The following GPC6 variants were observed in gnomAD, a reference collection of about 807,000 sequenced individuals.
GPC6 encodes the protein glypican-6.
A neutral mutation model predicts 55.2 loss-of-function variants in GPC6; 14 were observed. That is an observed-to-expected ratio of 0.25 (90% CI 0.17 to 0.40). The LOEUF is 0.40. Ranked by LOEUF, GPC6 falls within the 10% of genes least tolerant of loss-of-function variation. GPC6 has a pLI of 1.00. For synonymous variants in GPC6, 278 were observed against 259.6 expected, an observed-to-expected ratio of 1.07 and a Z score of -0.68; for missense variants, 641 against 708.5, an observed-to-expected ratio of 0.90 and a Z score of 1.08.
intron 4 of GPC6, among the ~76,000 whole-genome samples, chr13:94,229,187 T>C (rs1451633421): frequency 6.6e-6 from 1 of 152,212 alleles, no homozygotes; most frequent in Non-Finnish European, 1.5e-5. Flanking sequence ...TTATTTAACA[T>C]ACATTTAATT....
intron 6 of GPC6, among the ~76,000 whole-genome samples, chr13:94,335,388 G>C (rs1341200314): frequency 6.6e-6 from 1 of 152,098 alleles, no homozygotes; most frequent in Non-Finnish European, 1.5e-5. Context: ...CACACTGGGT[G>C]GTACACCTTG....
At chr13:93,722,126 GC>G (rs949503470) in intron 2 of GPC6, among the ~76,000 whole-genome samples, 14 of 151,476 alleles carry the variant, frequency 9.2e-5, no homozygotes, top group Admixed American at 7.9e-4. Context: ...TAGTAAATAT[GC>G]AAAAAAGGAA....
At chr13:94,238,527 A>T (rs1053095381) in intron 4 of GPC6, among the ~76,000 whole-genome samples, 1 of 152,178 alleles carries the variant, frequency 6.6e-6, no homozygotes, top group Admixed American at 6.6e-5. Flanking sequence ...GAGTTACTCC[A>T]TTGGAGGGCA....
chr13:93,330,126 C>T (rs914270541), intron 1 of GPC6, among the ~76,000 whole-genome samples: 1 of 152,122 alleles, frequency 6.6e-6, no homozygotes, highest in Non-Finnish European at 1.5e-5. Context: ...TGAAGTAAGT[C>T]TTCATTGTGC....
intron 2 of GPC6, among the ~76,000 whole-genome samples, chr13:93,642,669 G>A (rs1440877365): frequency 6.6e-6 from 1 of 151,988 alleles, no homozygotes; most frequent in Middle Eastern, 3.4e-3. Context: ...TTATATTTTT[G>A]TGTGCTCCAA....
chr13:93,814,826 C>T (rs543533630), intron 2 of GPC6, among the ~76,000 whole-genome samples: 31 of 152,302 alleles, frequency 2.0e-4, no homozygotes, highest in African/African-American at 6.5e-4. Context: ...GATGTCTGCT[C>T]TTGATGATAA....
intron 6 of GPC6, among the ~76,000 whole-genome samples, chr13:94,344,184 A>G (rs1226282591): frequency 6.6e-6 from 1 of 152,256 alleles, no homozygotes; most frequent in Non-Finnish European, 1.5e-5. Flanking sequence ...AAAAAAATCA[A>G]CAATATTGAT....
chr13:93,551,311 A>C (rs528989054), intron 2 of GPC6, among the ~76,000 whole-genome samples: 168 of 146,694 alleles, frequency 1.1e-3, no homozygotes, highest in Non-Finnish European at 2.0e-3. Flanking sequence ...TTTCTAACAA[A>C]AAAAAAAAAA....
At chr13:93,790,174 A>G (rs2138921343) in intron 2 of GPC6, among the ~76,000 whole-genome samples, 1 of 152,262 alleles carries the variant, frequency 6.6e-6, no homozygotes, top group Middle Eastern at 3.4e-3. Context: ...ATAGTACACA[A>G]ATTATGCCCA....
At chr13:93,932,392 T>C (rs1878221490) in intron 3 of GPC6, among the ~76,000 whole-genome samples, 2 of 152,170 alleles carry the variant, frequency 1.3e-5, no homozygotes, top group South Asian at 4.1e-4. Context: ...CTATTCTAGA[T>C]TGATGTGGAA....
chr13:94,194,563 G>T (rs1314754064), intron 4 of GPC6, among the ~76,000 whole-genome samples: 1 of 152,158 alleles, frequency 6.6e-6, no homozygotes, highest in Non-Finnish European at 1.5e-5. Context: ...AGGATGCAAA[G>T]GCATAAGAAT....
At chr13:93,546,880 G>A (rs749106639) in intron 2 of GPC6, among the ~76,000 whole-genome samples, 2 of 152,152 alleles carry the variant, frequency 1.3e-5, no homozygotes, top group Non-Finnish European at 2.9e-5. Flanking sequence ...CAAGAAAGAA[G>A]CTCTACTGTG....
At chr13:93,251,615 T>C (rs1876789577) in intron 1 of GPC6, among the ~76,000 whole-genome samples, 1 of 152,210 alleles carries the variant, frequency 6.6e-6, no homozygotes, top group Non-Finnish European at 1.5e-5. Context: ...GTTAAAGTTT[T>C]CTTACCTTTT....
At chr13:93,434,605 G>C (rs990368751) in intron 1 of GPC6, among the ~76,000 whole-genome samples, 1 of 152,164 alleles carries the variant, frequency 6.6e-6, no homozygotes, top group South Asian at 2.1e-4. Context: ...CTTAATATCT[G>C]TTCTGTGTGG....
intron 3 of GPC6, among the ~76,000 whole-genome samples, chr13:93,966,565 G>A (rs538610354): frequency 6.6e-6 from 1 of 152,040 alleles, no homozygotes; most frequent in South Asian, 2.1e-4. Flanking sequence ...CACCAACTTG[G>A]ACAGTCTTTC....
chr13:94,264,189 A>C (rs1166738513), intron 4 of GPC6, among the ~76,000 whole-genome samples: 1 of 152,226 alleles, frequency 6.6e-6, no homozygotes, highest in East Asian at 1.9e-4. Flanking sequence ...CAAAGGATCT[A>C]ACATGTTAGG....
chr13:94,342,129 T>C (rs1878072117), intron 6 of GPC6, among the ~76,000 whole-genome samples: 2 of 152,234 alleles, frequency 1.3e-5, no homozygotes, highest in African/African-American at 2.4e-5. Context: ...CTTCTCACTA[T>C]AATAAAGCAC....
chr13:93,751,918 A>G (rs1256999177), intron 2 of GPC6, among the ~76,000 whole-genome samples: 1 of 151,970 alleles, frequency 6.6e-6, no homozygotes, highest in Non-Finnish European at 1.5e-5. Flanking sequence ...CAGCCACACC[A>G]TTCTGATTTG....
chr13:94,392,111 C>G (rs1880671895), intron 7 of GPC6, among the ~76,000 whole-genome samples: 1 of 152,112 alleles, frequency 6.6e-6, no homozygotes, highest in South Asian at 2.1e-4. Context: ...TAAATATCTG[C>G]TCAAGTCCTT....
Sources: gnomAD v4.1 joint callset for allele counts (sites outside exome capture counted in the v4.1 genomes callset) on GRCh38, gnomAD v4.1.1 for gene constraint, MANE v1.5 for transcripts, NCBI Gene and HGNC (gene_info 2026-07-23, HGNC 2026-07-21) for gene names.